The following THSD7B variants were observed in gnomAD, a reference collection of about 807,000 sequenced individuals.
THSD7B encodes thrombospondin type-1 domain-containing protein 7B.
In THSD7B, 138 loss-of-function variants were observed where a neutral mutation model predicts 213.6. That is an observed-to-expected ratio of 0.65 (90% CI 0.56 to 0.74). THSD7B has a LOEUF of 0.74. THSD7B is among the 30% of genes least tolerant of loss of function. The probability of loss-of-function intolerance (pLI) is 0.00; values close to 1 mark genes in which losing one functional copy is unlikely to be tolerated. For missense variants in THSD7B, 1,931 were observed against 1,991.5 expected (o/e 0.97, Z 0.58); for synonymous variants, 742 against 687.0 (o/e 1.08, Z -1.25).
chr2:137,071,249 A>G (rs1370275338), intron 3 of THSD7B, among the ~76,000 whole-genome samples: 2 of 152,118 alleles, frequency 1.3e-5, no homozygotes, highest in Non-Finnish European at 2.9e-5. Context: ...TTTAATGATC[A>G]CCATTCTAAC....
At chr2:137,128,233 C>T (rs1014695541) in intron 5 of THSD7B, among the ~76,000 whole-genome samples, 9 of 152,166 alleles carry the variant, frequency 5.9e-5, no homozygotes, top group East Asian at 3.9e-4. Context: ...CAACACCACT[C>T]GTCATTTTTA....
intron 12 of THSD7B, among the ~76,000 whole-genome samples, chr2:137,321,571 G>T (rs780784608): frequency 2.0e-5 from 3 of 152,144 alleles, no homozygotes; most frequent in Admixed American, 6.5e-5. Flanking sequence ...GGCTTCATTA[G>T]TCTGGCACAT....
rs770871607 is a variant in THSD7B, at chr2:137,095,129, G to A, written c.1199+8G>A. ...TCTGCAGCAATGTCCCAGGTATTACGCCTTTATGCCTTCTTTAGTGTGAAG... is the reference window on the plus strand; with the variant it reads ...TCTGCAGCAATGTCCCAGGTATTACACCTTTATGCCTTCTTTAGTGTGAAG... On this transcript the variant is annotated splice_region_variant and intron_variant, in intron 4 of 27. Coordinates refer to ENST00000409968, the MANE Select transcript of THSD7B (RefSeq NM_001316349.2). 1.2e-4 allele frequency: 186 copies of A among 1,611,992 alleles called. 1 individual carries two copies. The highest frequency in any genetic ancestry group is 1.5e-4 in the Non-Finnish European group (175 of 1,178,528).
intron 15 of THSD7B, among the ~76,000 whole-genome samples, chr2:137,468,862 G>A (rs1208646407): frequency 6.6e-6 from 1 of 152,144 alleles, no homozygotes; most frequent in East Asian, 1.9e-4. Flanking sequence ...CAAGCCCTGT[G>A]AAAGAGAGTA....
intron 3 of THSD7B, among the ~76,000 whole-genome samples, chr2:137,062,044 T>A (rs1488138767): frequency 1.3e-5 from 2 of 151,810 alleles, no homozygotes; most frequent in African/African-American, 4.8e-5. Context: ...ACTATTCGTA[T>A]CATCGATTTC....
intron 15 of THSD7B, among the ~76,000 whole-genome samples, chr2:137,535,697 G>A (rs572210286): frequency 2.2e-3 from 332 of 151,834 alleles, no homozygotes; most frequent in African/African-American, 7.5e-3. Flanking sequence ...TCAAGTGAAG[G>A]AAGTAGACTG....
chr2:136,912,047 T>C (rs556334125), intron 2 of THSD7B, among the ~76,000 whole-genome samples: 2 of 151,978 alleles, frequency 1.3e-5, no homozygotes, highest in Non-Finnish European at 2.9e-5. Context: ...CCAGGTGCAG[T>C]GGCTCATGTA....
At chr2:137,240,821 T>C (rs62171114) in intron 9 of THSD7B, among the ~76,000 whole-genome samples, 25 of 152,342 alleles carry the variant, frequency 1.6e-4, no homozygotes, top group Admixed American at 4.6e-4. Context: ...TTCTTTGTGT[T>C]TGAAATTTGG....
Position 137,019,161 on chromosome 2 carries a change from G to A in THSD7B, c.140-37259G>A, listed in dbSNP as rs917550874. Among the ~76,000 whole-genome samples the A allele has an allele frequency of 3.9e-5, 6 of 152,056 alleles. No homozygotes were observed. In the East Asian group the frequency reaches 1.2e-3, roughly 29 times the overall value. Reference sequence around the variant, plus strand: ...GGGCACCTTCATGTGACATCTCCACGAGGGACACCCCACTCGCCTCCATTC... The same window carrying A: ...GGGCACCTTCATGTGACATCTCCACAAGGGACACCCCACTCGCCTCCATTC... On this transcript the variant is annotated intron_variant, in intron 2 of 27. Coordinates refer to ENST00000409968, the MANE Select transcript of THSD7B (RefSeq NM_001316349.2).
chr2:137,290,433 G>T (rs1203827506), intron 12 of THSD7B, among the ~76,000 whole-genome samples: 1 of 152,054 alleles, frequency 6.6e-6, no homozygotes, highest in Non-Finnish European at 1.5e-5. Flanking sequence ...CTCCTGTTTT[G>T]CAGTTTTCTC....
chr2:136,944,491 C>T (rs1256298575), intron 2 of THSD7B, among the ~76,000 whole-genome samples: 1 of 152,144 alleles, frequency 6.6e-6, no homozygotes, highest in Non-Finnish European at 1.5e-5. Context: ...GTGTTAAAGT[C>T]TCCCATTATT....
At chr2:137,675,314 G>T (rs1683672607) in intron 27 of THSD7B, among the ~76,000 whole-genome samples, 1 of 150,328 alleles carries the variant, frequency 6.7e-6, no homozygotes, top group Non-Finnish European at 1.5e-5. Flanking sequence ...TAAAATCTTT[G>T]TTTTTTACGT....
chr2:136,916,136 A>AT (rs1276748995), intron 2 of THSD7B, among the ~76,000 whole-genome samples: 5 of 151,916 alleles, frequency 3.3e-5, no homozygotes, highest in African/African-American at 7.3e-5. Flanking sequence ...TCTTGTTTTT[A>AT]TTTTTTTTAA....
chr2:136,897,231 G>T (rs1404833454), intron 2 of THSD7B, among the ~76,000 whole-genome samples: 1 of 152,106 alleles, frequency 6.6e-6, no homozygotes, highest in East Asian at 1.9e-4. Flanking sequence ...GTGGGTTCTT[G>T]GTCTCGCTGA....
rs1558740019 is a variant in THSD7B, at chr2:137,278,304, A to G, written c.2500+2278A>G. Among the ~76,000 whole-genome samples, 3 of 152,092 alleles carry G rather than the reference A, an allele frequency of 2.0e-5. No homozygotes were observed. In the South Asian group the frequency reaches 6.2e-4, roughly 31 times the overall value. On this transcript the variant is annotated intron_variant, in intron 12 of 27. Coordinates refer to ENST00000409968, the MANE Select transcript of THSD7B (RefSeq NM_001316349.2). Reference sequence around the variant, plus strand: ...GACCCTAAAGCCTTCCAGAGTAAACACCATGATCTCTCACCCAGAGTTTTT... The same window carrying G: ...GACCCTAAAGCCTTCCAGAGTAAACGCCATGATCTCTCACCCAGAGTTTTT...
chr2:137,493,122 CAAA>C (rs376770053), intron 15 of THSD7B, among the ~76,000 whole-genome samples: 6 of 44,200 alleles, frequency 1.4e-4, no homozygotes, highest in African/African-American at 5.5e-4. Flanking sequence ...CTCTCTCTCT[CAAA>C]AAAAAAAAAA....
At chr2:137,446,774 G>A (rs887207910) in intron 14 of THSD7B, among the ~76,000 whole-genome samples, 1 of 152,076 alleles carries the variant, frequency 6.6e-6, no homozygotes, top group Non-Finnish European at 1.5e-5. Flanking sequence ...TGGTAGCAAT[G>A]AGGTTTAGAT....
chr2:137,604,117 T>C (rs1039010200), intron 17 of THSD7B, among the ~76,000 whole-genome samples: 1 of 151,678 alleles, frequency 6.6e-6, no homozygotes, highest in Non-Finnish European at 1.5e-5. Context: ...ATAATAATAA[T>C]AAAATAAAAA....
chr2:137,331,872 G>C (rs1271253572), intron 12 of THSD7B, among the ~76,000 whole-genome samples: 2 of 152,062 alleles, frequency 1.3e-5, no homozygotes, highest in African/African-American at 4.8e-5. Context: ...CTCATTGCCC[G>C]GGGCCGGCGG....
Sources: gnomAD v4.1 joint callset for allele counts (sites outside exome capture counted in the v4.1 genomes callset) on GRCh38, gnomAD v4.1.1 for gene constraint, MANE v1.5 for transcripts, NCBI Gene and HGNC (gene_info 2026-07-23, HGNC 2026-07-21) for gene names.